Variants in WDR4 observed in about 807,000 individuals in gnomAD.
WDR4 encodes WDR4 tRNA N7-guanosine methyltransferase non-catalytic subunit.
A neutral mutation model predicts 48.6 loss-of-function variants in WDR4; 47 were observed. The ratio of observed to expected loss-of-function variants is 0.97; its 90% CI spans 0.77 to 1.23. The LOEUF is 1.23. WDR4 is among the 50% of genes most tolerant of loss of function. The pLI, the probability that WDR4 is intolerant of heterozygous loss-of-function variation, is 0.00. For synonymous variants in WDR4, 268 were observed against 230.0 expected, an observed-to-expected ratio of 1.17 and a Z score of -1.49; for missense variants, 606 against 551.6, an observed-to-expected ratio of 1.10 and a Z score of -0.99.
At chr21:42,852,123 G>A (rs1195289436) in intron 10 of WDR4, 132 bp downstream of exon 10, 6 of 936,298 alleles carry the variant, frequency 6.4e-6, no homozygotes, top group Admixed American at 2.1e-5. Flanking sequence ...CCTTCTGGAT[G>A]GGGACACACG....
At position 42,862,101 on chromosome 21, in the gene WDR4, C is replaced by T. The variant is rs2058130206; in HGVS notation, c.566+181G>A. On this transcript the variant is annotated intron_variant, in intron 5 of 10. Coordinates refer to ENST00000398208, the MANE Select transcript of WDR4 (RefSeq NM_018669.6). This position sits in a 1 kb window ranked among gnomAD's most constrained non-coding sequence, Gnocchi z 4.3. ...TCCGGGTAACAGCGCAGAGTGAACC[C>T]CACCCTTTCAGGGCTTCTGCAGGCA... 6.6e-6 allele frequency among the ~76,000 whole-genome samples: 1 copy of T among 152,176 alleles called. No homozygotes were observed. The highest frequency in any genetic ancestry group is 2.1e-4 in the South Asian group (1 of 4,828).
Position 42,862,865 on chromosome 21 carries a change from G to A in WDR4, c.454-471C>T, listed in dbSNP as rs562559939. On this transcript the variant is annotated intron_variant, in intron 4 of 10. Coordinates refer to ENST00000398208, the MANE Select transcript of WDR4 (RefSeq NM_018669.6). This position sits in a 1 kb window ranked among gnomAD's most constrained non-coding sequence, Gnocchi z 4.3. ...ATTGTTCCTGACTGTCCCTGTGTGC[G>A]TCCAATCCCAGCTCCACCACCCGGG... 3.9e-5 allele frequency among the ~76,000 whole-genome samples: 6 copies of A among 152,300 alleles called. No homozygotes were observed. Among genetic ancestry groups the A allele is most frequent in the East Asian group, 3.9e-4 (2 of 5,184 alleles).
chr21:42,889,987 T>C, the WDR4 span, among the ~76,000 whole-genome samples: 3 of 151,938 alleles, frequency 2.0e-5, no homozygotes, highest in East Asian at 5.8e-4. Context: ...GAGGCCGAGG[T>C]GGGAAGATTG....
At chr21:42,865,752 G>A (rs536208295) in intron 3 of WDR4, among the ~76,000 whole-genome samples, 136 of 152,070 alleles carry the variant, frequency 8.9e-4, no homozygotes, top group Non-Finnish European at 1.6e-3. Flanking sequence ...GCAGGGTCTC[G>A]GGTCTCGGGT....
chr21:42,867,856 T>C (rs1451238403), intron 3 of WDR4, among the ~76,000 whole-genome samples: 2 of 152,144 alleles, frequency 1.3e-5, no homozygotes, highest in East Asian at 1.9e-4. Context: ...TGAGCCACCA[T>C]GCCAGCCTCC....
downstream of WDR4, among the ~76,000 whole-genome samples, chr21:42,846,193 CTG>C (rs1240070969): frequency 2.6e-5 from 4 of 152,012 alleles, no homozygotes; most frequent in East Asian, 7.7e-4. Flanking sequence ...AACAGCCAAA[CTG>C]TGGAAACTAC....
At chr21:42,859,552 A>AGTCAGCCAGGG in intron 6 of WDR4, 110 bp downstream of exon 6, 14 of 625,396 alleles carry the variant, frequency 2.2e-5, no homozygotes, top group Non-Finnish European at 3.5e-5. Context: ...GGACAGCCAC[A>AGTCAGCCAGGG]GCCAGCCAGG....
rs746033218 is a variant in WDR4 at position 42,879,529 on chromosome 21, C to T, written c.-34G>A. The T allele has an allele frequency of 1.7e-5, 27 of 1,610,304 alleles. No homozygotes were observed. The highest frequency in any genetic ancestry group is 2.3e-5 in the Non-Finnish European group (27 of 1,178,764). On this transcript the variant is annotated 5_prime_UTR_variant, in exon 1 of 11. Coordinates refer to ENST00000398208, the MANE Select transcript of WDR4 (RefSeq NM_018669.6). Reference sequence around the variant, plus strand: ...CCGCCTCACCGCCATACACATGTGCCAGCCCAGAGCCTCTTCCTGTCCGCA... The same window carrying T: ...CCGCCTCACCGCCATACACATGTGCTAGCCCAGAGCCTCTTCCTGTCCGCA...
At chr21:42,864,743 T>C (rs1210883910) in intron 3 of WDR4, among the ~76,000 whole-genome samples, 1 of 152,174 alleles carries the variant, frequency 6.6e-6, no homozygotes, top group Non-Finnish European at 1.5e-5. Flanking sequence ...CTACACTACT[T>C]CCTGGGGCTC....
At position 42,876,691 on chromosome 21, in the gene WDR4, C is replaced by T. The variant is rs751744359; in HGVS notation, c.155+11G>A. ...TAAAGCAGGCCCTGAAAAAGCTTCC[C>T]CACATCTCACCCTTTATTTTCTTGT... is the stretch of plus-strand genomic sequence containing the variant. On this transcript the variant is annotated intron_variant, in intron 2 of 10. Transcript: ENST00000398208. 21 of 1,612,808 alleles carry T rather than the reference C, an allele frequency of 1.3e-5. No individual in the cohort carries two copies. In the East Asian group the frequency reaches 4.7e-4, roughly 36 times the overall value.
chr21:42,843,556 A>T (rs1405656630), intron 11 of WDR4, among the ~76,000 whole-genome samples: 3 of 151,328 alleles, frequency 2.0e-5, no homozygotes, highest in Non-Finnish European at 4.4e-5. Context: ...GACTACAGGC[A>T]TGTGCCACCA....
At chr21:42,858,187 T>C (rs1253278772) in intron 6 of WDR4, among the ~76,000 whole-genome samples, 4 of 152,146 alleles carry the variant, frequency 2.6e-5, no homozygotes, top group Non-Finnish European at 5.9e-5. Flanking sequence ...AAGGTAATCA[T>C]GTAAGAAAAT....
At chr21:42,881,913 T>C (rs777544997), upstream of WDR4, among the ~76,000 whole-genome samples, 2 of 152,214 alleles carry the variant, frequency 1.3e-5, no homozygotes, top group Non-Finnish European at 2.9e-5. Flanking sequence ...CAAGCGATTC[T>C]GCATCAGCCT....
At chr21:42,864,529 T>C (rs1189668691) in intron 3 of WDR4, among the ~76,000 whole-genome samples, 1 of 152,122 alleles carries the variant, frequency 6.6e-6, no homozygotes, top group African/African-American at 2.4e-5. Context: ...GGCAGCACCC[T>C]ACCCTCCTCG....
At chr21:42,857,211 G>A (rs573191448) in intron 6 of WDR4, among the ~76,000 whole-genome samples, 2 of 152,044 alleles carry the variant, frequency 1.3e-5, no homozygotes, top group South Asian at 2.1e-4. Flanking sequence ...CCTGTCTCGG[G>A]GATGCCAAAT....
At chr21:42,843,857 C>A (rs1345951033) in intron 11 of WDR4, among the ~76,000 whole-genome samples, 4 of 152,106 alleles carry the variant, frequency 2.6e-5, no homozygotes, top group African/African-American at 9.7e-5. Context: ...CCGCACCTGA[C>A]CTTTTTAATT....
At position 42,859,745 on chromosome 21, in the gene WDR4, CAG is replaced by C. The variant is rs1052175933; in HGVS notation, c.567-25_567-24del. The C allele has an allele frequency of 3.9e-6, 6 of 1,553,554 alleles. No homozygotes were observed. In the African/African-American group the frequency reaches 5.5e-5, roughly 14 times the overall value. On this transcript the variant is annotated intron_variant, in intron 5 of 10. Transcript: ENST00000398208. The stretch of plus-strand genomic sequence containing the variant: ...AACCTGTGAGGGCGAGAGAGAGCGG[CAG>C]AGTCAGCGAGCCCAGCGCCCGCAGG...
At chr21:42,865,940 C>T (rs1460099254) in intron 3 of WDR4, among the ~76,000 whole-genome samples, 2 of 152,106 alleles carry the variant, frequency 1.3e-5, no homozygotes, top group Non-Finnish European at 2.9e-5. Context: ...CTGGGCAGCC[C>T]CAACAGGGCA....
intron 3 of WDR4, among the ~76,000 whole-genome samples, chr21:42,867,751 C>T (rs1325416039): frequency 1.3e-5 from 2 of 151,582 alleles, no homozygotes; most frequent in South Asian, 2.1e-4. Context: ...TTTGTAGATA[C>T]GAGATCTCAC....
Sources: allele counts gnomAD v4.1 joint callset (sites outside exome capture counted in the v4.1 genomes callset), GRCh38; gene constraint gnomAD v4.1.1; non-coding constraint Gnocchi (gnomAD v3.1); transcripts MANE v1.5; gene names NCBI Gene and HGNC (gene_info 2026-07-23, HGNC 2026-07-21).